The following SUMF1 variants were observed in gnomAD, a reference collection of about 807,000 sequenced individuals.
The protein encoded by SUMF1 is formylglycine-generating enzyme.
Under a neutral mutation model 47.6 loss-of-function variants are expected in SUMF1, and 48 were observed. That is an observed-to-expected ratio of 1.01 (90% CI 0.80 to 1.28). The LOEUF is 1.28. SUMF1 is among the 50% of genes most tolerant of loss of function. SUMF1 has a pLI of 0.00. For missense variants in SUMF1, 571 were observed against 485.4 expected, an observed-to-expected ratio of 1.18 and a Z score of -1.66; for synonymous variants, 230 against 192.1, an observed-to-expected ratio of 1.20 and a Z score of -1.63.
intron 8 of SUMF1, among the ~76,000 whole-genome samples, chr3:4,241,363 T>C (rs1020589601): frequency 6.6e-5 from 10 of 152,142 alleles, no homozygotes; most frequent in Non-Finnish European, 1.3e-4. Context: ...ATATGTATGC[T>C]TAGGTAAGAA....
intron 8 of SUMF1, among the ~76,000 whole-genome samples, chr3:4,340,026 C>A (rs1699236920): frequency 1.3e-5 from 2 of 152,026 alleles, no homozygotes; most frequent in African/African-American, 4.8e-5. Flanking sequence ...TGTAGTGAGC[C>A]AAGATCGCAC....
intron 1 of SUMF1, among the ~76,000 whole-genome samples, chr3:4,456,102 G>C (rs1461316635): frequency 6.6e-6 from 1 of 152,184 alleles, no homozygotes; most frequent in East Asian, 1.9e-4. Flanking sequence ...TACCATGTTA[G>C]CAGAATGAAG....
At chr3:4,156,009 T>C (rs1694444686) in intron 8 of SUMF1, among the ~76,000 whole-genome samples, 1 of 151,418 alleles carries the variant, frequency 6.6e-6, no homozygotes, top group South Asian at 2.1e-4. Flanking sequence ...TTAGGAATTT[T>C]GTTTTTCATC....
At chr3:4,236,727 C>A (rs1277032430) in intron 8 of SUMF1, among the ~76,000 whole-genome samples, 1 of 152,150 alleles carries the variant, frequency 6.6e-6, no homozygotes, top group Non-Finnish European at 1.5e-5. Flanking sequence ...ATGTTTGTAA[C>A]AATCAATGAA....
intron 8 of SUMF1, among the ~76,000 whole-genome samples, chr3:4,320,124 G>C (rs1460353670): frequency 1.3e-5 from 2 of 152,166 alleles, no homozygotes; most frequent in Non-Finnish European, 2.9e-5. Flanking sequence ...ACTGCACAAA[G>C]GGTCAAAATT....
At chr3:4,329,101 TGCAGGGTACA>T (rs1294586313) in intron 8 of SUMF1, among the ~76,000 whole-genome samples, 3 of 152,210 alleles carry the variant, frequency 2.0e-5, no homozygotes, top group Admixed American at 2.0e-4. Flanking sequence ...TCTGTGGCTT[TGCAGGGTACA>T]GCCCTTCTCC....
At chr3:4,454,591 A>AGTTCTCCTAGGTATATACCC (rs1332307197) in intron 1 of SUMF1, among the ~76,000 whole-genome samples, 15 of 152,252 alleles carry the variant, frequency 9.9e-5, no homozygotes, top group African/African-American at 3.6e-4. Context: ...ACCCAAGAGA[A>AGTTCTCCTAGGTATATACCC]ATAAAAACAT....
intron 8 of SUMF1, among the ~76,000 whole-genome samples, chr3:4,148,000 G>A (rs1335070034): frequency 2.0e-5 from 3 of 151,968 alleles, no homozygotes; most frequent in Admixed American, 2.0e-4. Flanking sequence ...GGAAATTGAG[G>A]GTGCATGAAA....
chr3:4,316,408 G>A lies in SUMF1; in HGVS notation c.1014+59922C>T, dbSNP rs1162157436. Reference sequence around the variant, plus strand: ...GAGAGCCTTGAAGATGAGGAGCGTAGTGGCCGGCCATCAGAAGTTGACAAC... The same window carrying A: ...GAGAGCCTTGAAGATGAGGAGCGTAATGGCCGGCCATCAGAAGTTGACAAC... On this transcript the variant is annotated intron_variant and NMD_transcript_variant, in intron 8 of 12. Coordinates refer to the SUMF1 transcript ENST00000448413. The A allele has an allele frequency of 2.5e-6, 4 of 1,579,504 alleles. No individual in the cohort carries two copies. In the East Asian group the frequency reaches 9.3e-5, roughly 37 times the overall value.
chr3:4,111,584 G>T lies in SUMF1; in HGVS notation c.1015-42839C>A, dbSNP rs143595009. ...AATACAAAAATTAGCTGAGGGTAGT[G>T]GTGCGCACCTGCCTCTACCTGCCTC... is the stretch of plus-strand genomic sequence containing the variant. On this transcript the variant is annotated intron_variant and NMD_transcript_variant, in intron 8 of 12. Coordinates refer to the SUMF1 transcript ENST00000448413. 2.1e-3 allele frequency among the ~76,000 whole-genome samples: 318 copies of T among 151,880 alleles called. 11 individuals are homozygous for T. Among genetic ancestry groups the T allele is most frequent in the African/African-American group, 7.4e-3 (306 of 41,368 alleles).
downstream of SUMF1, among the ~76,000 whole-genome samples, chr3:4,356,590 TTG>T (rs34730133): frequency 4.1e-3 from 621 of 151,440 alleles, 4 homozygotes; most frequent in African/African-American, 0.015. Flanking sequence ...TTTTTTTTTT[TTG>T]CTCTGTGAAA....
chr3:4,143,667 G>A (rs1307186524), intron 8 of SUMF1, among the ~76,000 whole-genome samples: 1 of 152,096 alleles, frequency 6.6e-6, no homozygotes, highest in African/African-American at 2.4e-5. Flanking sequence ...GAGAAAGGGG[G>A]AATTTATTTA....
chr3:4,140,602 C>A (rs1160104892), intron 8 of SUMF1, among the ~76,000 whole-genome samples: 1 of 151,986 alleles, frequency 6.6e-6, no homozygotes, highest in Non-Finnish European at 1.5e-5. Context: ...TATTCATATA[C>A]TCCCATGTAA....
At chr3:4,171,636 G>A (rs1694834435) in intron 8 of SUMF1, among the ~76,000 whole-genome samples, 1 of 152,162 alleles carries the variant, frequency 6.6e-6, no homozygotes, top group Admixed American at 6.5e-5. Flanking sequence ...GAAGCACAAA[G>A]AGGCAGTACT....
intron 8 of SUMF1, among the ~76,000 whole-genome samples, chr3:4,255,162 G>A (rs1270903538): frequency 1.3e-5 from 2 of 148,218 alleles, no homozygotes; most frequent in Non-Finnish European, 3.0e-5. Context: ...GCAAAATCAT[G>A]CCAAATTGTA....
At chr3:4,213,695 A>C (rs1487481330) in intron 8 of SUMF1, among the ~76,000 whole-genome samples, 1 of 152,214 alleles carries the variant, frequency 6.6e-6, no homozygotes, top group African/African-American at 2.4e-5. Context: ...ACATAGGCTC[A>C]AAATAAAGGG....
intron 8 of SUMF1, chr3:4,314,362 A>G (rs1373901124): frequency 2.6e-5 from 4 of 151,774 alleles, no homozygotes; most frequent in African/African-American, 4.8e-5. Flanking sequence ...TTGCCAACCA[A>G]TTTTAACAGT....
chr3:4,425,707 G>A (rs1490649563), intron 3 of SUMF1, among the ~76,000 whole-genome samples: 3 of 152,178 alleles, frequency 2.0e-5, no homozygotes, highest in African/African-American at 7.2e-5. Context: ...CACCATGAGG[G>A]TAGGGCAAGG....
chr3:4,319,918 T>C (rs1343061569), intron 8 of SUMF1, among the ~76,000 whole-genome samples: 2 of 152,146 alleles, frequency 1.3e-5, no homozygotes, highest in Non-Finnish European at 2.9e-5. Context: ...CTGCATACTA[T>C]ATGAGTCCAA....
Sources: gnomAD v4.1 joint callset for allele counts (sites outside exome capture counted in the v4.1 genomes callset) on GRCh38, gnomAD v4.1.1 for gene constraint, MANE v1.5 for transcripts, NCBI Gene and HGNC (gene_info 2026-07-23, HGNC 2026-07-21) for gene names.